STXBP5L: variants seen among roughly 807,000 people sequenced by gnomAD.
STXBP5L encodes the protein syntaxin binding protein 5L.
In STXBP5L, 65 loss-of-function variants were observed where a neutral mutation model predicts 144.5. The observed-to-expected ratio is 0.45, with a 90% confidence interval of 0.37 to 0.55. The LOEUF (loss-of-function observed/expected upper bound fraction) is 0.55, where lower values mean the gene tolerates loss of function less well. Among genes scored for constraint, STXBP5L ranks in the 20% least tolerant of loss-of-function variants. The pLI is 0.00. For missense variants in STXBP5L, 1,298 were observed against 1,405.5 expected, an observed-to-expected ratio of 0.92 and a Z score of 1.22; for synonymous variants, 505 against 469.6, an observed-to-expected ratio of 1.08 and a Z score of -0.97.
chr3:121,061,144 T>G (rs1397565111), intron 5 of STXBP5L, among the ~76,000 whole-genome samples: 1 of 152,238 alleles, frequency 6.6e-6, no homozygotes, highest in African/African-American at 2.4e-5. Flanking sequence ...CTGCTTTAGC[T>G]GTGTCCCAGA....
intron 2 of STXBP5L, among the ~76,000 whole-genome samples, chr3:120,952,730 C>G (rs189948296): frequency 6.6e-6 from 1 of 152,168 alleles, no homozygotes; most frequent in Admixed American, 6.5e-5. Flanking sequence ...GATCATGCAA[C>G]TATATAAAGT....
intron 24 of STXBP5L, among the ~76,000 whole-genome samples, chr3:121,413,527 C>CA (rs1041080052): frequency 4.7e-4 from 72 of 152,162 alleles, no homozygotes; most frequent in African/African-American, 1.7e-3. Context: ...AAGAGGGAGA[C>CA]AATGGAAAGA....
chr3:121,151,065 T>C (rs2107980168), intron 7 of STXBP5L, among the ~76,000 whole-genome samples: 1 of 151,798 alleles, frequency 6.6e-6, no homozygotes, highest in East Asian at 1.9e-4. Flanking sequence ...CCACCCTGGG[T>C]GGCAGAGTAA....
chr3:121,164,018 C>T (rs150259559), intron 9 of STXBP5L, among the ~76,000 whole-genome samples: 143 of 152,178 alleles, frequency 9.4e-4, no homozygotes, highest in Non-Finnish European at 1.8e-3. Flanking sequence ...CATAGTTGTG[C>T]AGTCATCAAC....
chr3:121,391,820 C>T (rs979341449), intron 22 of STXBP5L, among the ~76,000 whole-genome samples: 11 of 152,096 alleles, frequency 7.2e-5, no homozygotes, highest in African/African-American at 2.7e-4. Flanking sequence ...GCCTGGCTGC[C>T]CCTACTGGGA....
At chr3:120,991,181 G>T (rs1942823784) in intron 3 of STXBP5L, among the ~76,000 whole-genome samples, 1 of 149,854 alleles carries the variant, frequency 6.7e-6, no homozygotes, top group Middle Eastern at 3.4e-3. Context: ...GATATGAACA[G>T]ACACTTCTCA....
At chr3:121,109,320 G>C (rs960133075) in intron 5 of STXBP5L, among the ~76,000 whole-genome samples, 5 of 151,778 alleles carry the variant, frequency 3.3e-5, no homozygotes, top group African/African-American at 1.2e-4. Flanking sequence ...GTGATATTAT[G>C]GTGCCGATTT....
intron 5 of STXBP5L, among the ~76,000 whole-genome samples, chr3:121,061,996 A>T (rs1180458573): frequency 6.6e-6 from 1 of 152,036 alleles, no homozygotes; most frequent in Non-Finnish European, 1.5e-5. Context: ...TGTGAATTTG[A>T]TCCTGTCATT....
Position 121,371,720 on chromosome 3 carries a change from G to C in STXBP5L, c.2177-6996G>C, listed in dbSNP as rs192700532. 4.7e-4 allele frequency among the ~76,000 whole-genome samples: 71 copies of C among 152,300 alleles called. No individual in the cohort carries two copies. The East Asian group carries it at 0.014, about 29-fold the overall frequency. ...ATGGGAGCACCGGTGGGTGCTGTGT[G>C]TGCCCTCTGTGCATATTCATGCTGG... is the stretch of plus-strand genomic sequence containing the variant. On this transcript the variant is annotated intron_variant, in intron 20 of 26. Coordinates refer to ENST00000471454, the MANE Select transcript of STXBP5L (RefSeq NM_001308330.2).
At chr3:121,295,421 G>GT (rs1408455072) in intron 19 of STXBP5L, among the ~76,000 whole-genome samples, 5 of 152,008 alleles carry the variant, frequency 3.3e-5, no homozygotes, top group Non-Finnish European at 7.4e-5. Flanking sequence ...TATTTTAGTA[G>GT]TTTTTCCTCT....
chr3:121,072,875 T>C (rs929891825), intron 5 of STXBP5L, among the ~76,000 whole-genome samples: 22 of 152,218 alleles, frequency 1.4e-4, no homozygotes, highest in African/African-American at 5.3e-4. Context: ...CCTCTTTCCT[T>C]ATATTTGGCT....
intron 20 of STXBP5L, among the ~76,000 whole-genome samples, chr3:121,337,854 G>A (rs1211008454): frequency 6.6e-6 from 1 of 152,030 alleles, no homozygotes; most frequent in Non-Finnish European, 1.5e-5. Context: ...ATTATATCAA[G>A]TACCTTCTTA....
chr3:121,006,408 G>T (rs1320480625), intron 3 of STXBP5L, among the ~76,000 whole-genome samples: 1 of 152,050 alleles, frequency 6.6e-6, no homozygotes, highest in Non-Finnish European at 1.5e-5. Context: ...TTGCTTGGTA[G>T]ATCTTCCTCC....
intron 9 of STXBP5L, among the ~76,000 whole-genome samples, chr3:121,162,852 C>G (rs534390781): frequency 1.3e-5 from 2 of 152,206 alleles, no homozygotes; most frequent in African/African-American, 4.8e-5. Context: ...TAGAGAAATG[C>G]AAATCAAAAC....
intron 5 of STXBP5L, among the ~76,000 whole-genome samples, chr3:121,057,754 A>G (rs1560071365): frequency 6.6e-6 from 1 of 151,964 alleles, no homozygotes; most frequent in Non-Finnish European, 1.5e-5. Context: ...TAACTTTTGC[A>G]TTTCTATTTT....
chr3:121,175,487 G>T (rs990126924), intron 9 of STXBP5L, among the ~76,000 whole-genome samples: 1 of 152,094 alleles, frequency 6.6e-6, no homozygotes, highest in African/African-American at 2.4e-5. Context: ...ACAGTCTCAA[G>T]AGGCAAAGCA....
At chr3:121,352,820 G>C (rs1041564417) in intron 20 of STXBP5L, among the ~76,000 whole-genome samples, 2 of 152,092 alleles carry the variant, frequency 1.3e-5, no homozygotes, top group Admixed American at 6.6e-5. Context: ...GTGTGGGTTT[G>C]TCATAAGTAG....
rs190196310 is a variant in STXBP5L at position 121,245,925 on chromosome 3, A to G, written c.1401-4798A>G. Reference sequence around the variant, plus strand: ...GGAAACAGGGTATTTGAAAAACACTATAGAACAATTGGGCCTAACAGACAT... The same window carrying G: ...GGAAACAGGGTATTTGAAAAACACTGTAGAACAATTGGGCCTAACAGACAT... On this transcript the variant is annotated intron_variant, in intron 14 of 26. Transcript: ENST00000471454. Among the ~76,000 whole-genome samples, 37 of 152,342 alleles carry G rather than the reference A, an allele frequency of 2.4e-4. 1 individual carries two copies. The East Asian group carries it at 2.5e-3, about 10-fold the overall frequency.
At chr3:121,148,563 A>G (rs940698026) in intron 7 of STXBP5L, among the ~76,000 whole-genome samples, 2 of 152,082 alleles carry the variant, frequency 1.3e-5, no homozygotes, top group Non-Finnish European at 2.9e-5. Context: ...TGAAATGATA[A>G]ATGAGACAAA....
Sources: allele counts gnomAD v4.1 joint callset (sites outside exome capture counted in the v4.1 genomes callset), GRCh38; gene constraint gnomAD v4.1.1; transcripts MANE v1.5; gene names NCBI Gene and HGNC (gene_info 2026-07-23, HGNC 2026-07-21).